The following METRNL variants were observed in gnomAD, a reference collection of about 807,000 sequenced individuals.
METRNL encodes meteorin like, glial cell differentiation regulator.
Under a neutral mutation model 17.4 loss-of-function variants are expected in METRNL, and 9 were observed. The observed-to-expected ratio is 0.52, with a 90% CI of 0.31 to 0.90. The LOEUF (loss-of-function observed/expected upper bound fraction) is 0.90, where lower values mean the gene tolerates loss of function less well. Among genes scored for constraint, METRNL ranks in the 40% least tolerant of loss-of-function variants. The pLI is 0.05. For missense variants in METRNL, 408 were observed against 430.7 expected (o/e 0.95, Z 0.47); for synonymous variants, 215 against 199.3 (o/e 1.08, Z -0.66).
At chr17:83,089,156 G>A (rs927799895) in intron 2 of METRNL, among the ~76,000 whole-genome samples, 1 of 152,108 alleles carries the variant, frequency 6.6e-6, no homozygotes, top group Admixed American at 6.5e-5. Context: ...CGGTGATGAT[G>A]GTGGCCTTGA....
Position 83,094,696 on chromosome 17 carries a change from T to C in METRNL, c.*121T>C. The C allele has an allele frequency of 1.3e-6, 1 of 746,268 alleles. No individual in the cohort carries two copies. The highest frequency in any genetic ancestry group is 1.9e-6 in the Non-Finnish European group (1 of 534,946). The allele number at this position is 746,268 out of a possible 1,614,324, so 46.2% of individuals were successfully genotyped here. On this transcript the variant is annotated 3_prime_UTR_variant, in exon 4 of 4. Transcript: ENST00000320095. ...GAGCCGCATGCCCTGGGCCCAGGCC[T>C]GACCCTGGTACCGAAGCTGTGGACG...
intron 2 of METRNL, among the ~76,000 whole-genome samples, chr17:83,092,857 A>AG (rs2038156303): frequency 6.6e-6 from 1 of 152,108 alleles, no homozygotes; most frequent in South Asian, 2.1e-4. Context: ...GGCCGGACTG[A>AG]GGGTCTTGCT....
rs762588986 is a variant in METRNL at position 83,094,587 on chromosome 17, G to A, written c.*12G>A. ...TTGGCACGGACTGACTCCGTGGGCC[G>A]CTGCCCTTCCTCTCCTGATGAGTCA... On this transcript the variant is annotated 3_prime_UTR_variant, in exon 4 of 4. Transcript: ENST00000320095. 9.0e-6 allele frequency: 13 copies of A among 1,436,614 alleles called. No individual in the cohort carries two copies. The highest frequency in any genetic ancestry group is 6.1e-5 in the South Asian group (4 of 65,494). The allele number at this position is 1,436,614 out of a possible 1,614,324, so 89.0% of individuals were successfully genotyped here. A position where few individuals can be genotyped will look rare whatever the true frequency, so the allele number is the denominator to read the frequency against.
In METRNL at chr17:83,093,226, G is replaced by C. The variant is rs947951011; in HGVS notation, c.616G>C (p.Ala206Pro). 8.1e-6 allele frequency: 13 copies of C among 1,607,236 alleles called. No individual in the cohort carries two copies. The highest frequency in any genetic ancestry group is 1.1e-5 in the Non-Finnish European group (13 of 1,179,368). Residue 206 changes from alanine (A) to proline (P), a missense_variant and splice_region_variant, in exon 3 of 4, where the codon GCC becomes CCC. Coordinates refer to ENST00000320095, the MANE Select transcript of METRNL (RefSeq NM_001004431.3). Reference sequence around the variant, plus strand: ...CCTAGCCGTCTGCACCAGCGACTTCGGTGAGTGTCTCCTCGGCAGCTTCTA... The same window carrying C: ...CCTAGCCGTCTGCACCAGCGACTTCCGTGAGTGTCTCCTCGGCAGCTTCTA... Reference protein sequence around the residue: ...VLLAVCTSDFAVRGSIQQVTH... With the variant: ...VLLAVCTSDFPVRGSIQQVTH...
chr17:83,084,666 C>T (rs534712101), intron 1 of METRNL: 89 of 528,318 alleles, frequency 1.7e-4, no homozygotes, highest in African/African-American at 1.6e-3. Context: ...GGACAAGCAC[C>T]GCCTGCACTC....
chr17:83,086,329 C>T (rs1268643381), intron 2 of METRNL, among the ~76,000 whole-genome samples: 2 of 152,200 alleles, frequency 1.3e-5, no homozygotes, highest in South Asian at 2.1e-4. Flanking sequence ...CTGACTGCCC[C>T]GAGTCCCAGC....
intron 1 of METRNL, 196 bp from the exon 2 acceptor site, chr17:83,084,742 C>A (rs949683285): frequency 1.6e-6 from 1 of 642,336 alleles, no homozygotes. Context: ...CTGGGTGGGG[C>A]CCTTGTGCCG....
chr17:83,082,442 C>T (rs560368567), intron 1 of METRNL, among the ~76,000 whole-genome samples: 2 of 152,360 alleles, frequency 1.3e-5, no homozygotes, highest in African/African-American at 4.8e-5. Flanking sequence ...ACAAGCATGT[C>T]CACCTGGGTG....
At chr17:83,085,383 G>T in intron 2 of METRNL, 60 bp downstream of exon 2, 1 of 1,500,430 alleles carries the variant, frequency 6.7e-7, no homozygotes, top group South Asian at 1.4e-5. Flanking sequence ...TGGTGATGTG[G>T]CAGGTGTCTC....
rs1422590845 is a variant in METRNL, at chr17:83,081,102, A to G, written c.170+1117A>G. ...GGCGCTGGGGGGCAGAGTCGCCCCGAGGGCCGTGGGCGGTGCCCGGCTGTC... is the reference window on the plus strand; with the variant it reads ...GGCGCTGGGGGGCAGAGTCGCCCCGGGGGCCGTGGGCGGTGCCCGGCTGTC... On this transcript the variant is annotated intron_variant, in intron 1 of 3. Transcript: ENST00000320095. 3.3e-5 allele frequency among the ~76,000 whole-genome samples: 5 copies of G among 151,126 alleles called. No homozygotes were observed. In the East Asian group the frequency reaches 7.9e-4, roughly 24 times the overall value.
chr17:83,080,343 G>T (rs903862652), intron 1 of METRNL: 1 of 150,174 alleles, frequency 6.7e-6, no homozygotes, highest in African/African-American at 2.4e-5. Flanking sequence ...TCCGGGAGTT[G>T]CGCGCCCCGA....
At chr17:83,083,988 A>C (rs530481804) in intron 1 of METRNL, 7 of 152,298 alleles carry the variant, frequency 4.6e-5, no homozygotes, top group African/African-American at 1.7e-4. Context: ...GAGAAGCGTG[A>C]GGGTTTTGAT....
chr17:83,082,317 C>A (rs58635421), intron 1 of METRNL: 251,084 of 952,744 alleles, frequency 0.26, 33,728 homozygotes, highest in Admixed American at 0.31. Flanking sequence ...TCCTGGTGAC[C>A]CAGAGTTGTG....
At chr17:83,093,330 G>T in intron 3 of METRNL, 104 bp downstream of exon 3, 1 of 947,060 alleles carries the variant, frequency 1.1e-6, no homozygotes, top group East Asian at 2.6e-5. Context: ...ACAGCCTTCC[G>T]GTGCTGCGTG....
At chr17:83,082,410 C>T (rs184047197) in intron 1 of METRNL, among the ~76,000 whole-genome samples, 4 of 152,316 alleles carry the variant, frequency 2.6e-5, no homozygotes, top group Admixed American at 2.0e-4. Context: ...GGGATTTGCC[C>T]TCCTTTCCAT....
chr17:83,092,775 C>T (rs1043664558), intron 2 of METRNL, among the ~76,000 whole-genome samples: 3 of 152,108 alleles, frequency 2.0e-5, no homozygotes, highest in Non-Finnish European at 4.4e-5. Flanking sequence ...TCAGTGAGTC[C>T]GGCTCAGCCG....
chr17:83,086,897 CTT>C (rs900349606), intron 2 of METRNL, among the ~76,000 whole-genome samples: 1 of 152,058 alleles, frequency 6.6e-6, no homozygotes, highest in South Asian at 2.1e-4. Context: ...GGAACAGAGA[CTT>C]TGTCTCTCCT....
At chr17:83,085,456 G>A (rs1208621495) in intron 2 of METRNL, 133 bp downstream of exon 2, 12 of 1,234,104 alleles carry the variant, frequency 9.7e-6, no homozygotes, top group East Asian at 5.2e-5. Context: ...TCTGTGCTTC[G>A]GACATGACTG....
rs757299210 is a variant in METRNL at position 83,085,344 on chromosome 17, G to A, written c.556+21G>A. On this transcript the variant is annotated intron_variant, in intron 2 of 3. Coordinates refer to ENST00000320095, the MANE Select transcript of METRNL (RefSeq NM_001004431.3). ...GTCTGGTGAGTGTCCTGCCTGGGGC[G>A]GGGGCGGCGGGCCTCGTCATCACGG... 13 of 1,511,410 alleles carry A rather than the reference G, an allele frequency of 8.6e-6. No homozygotes were observed. The African/African-American group carries it at 9.8e-5, about 11-fold the overall frequency. 93.6% of individuals were successfully genotyped at this position (1,511,410 alleles called of 1,614,324 possible). A position where few individuals can be genotyped will look rare whatever the true frequency, so the allele number is the denominator to read the frequency against.
Sources: allele counts gnomAD v4.1 joint callset (sites outside exome capture counted in the v4.1 genomes callset), GRCh38; gene constraint gnomAD v4.1.1; transcripts MANE v1.5; gene names NCBI Gene and HGNC (gene_info 2026-07-23, HGNC 2026-07-21).